Variants in DDX10 observed in about 807,000 individuals in gnomAD.
DDX10 encodes the protein probable ATP-dependent RNA helicase DDX10.
Under a neutral mutation model 104.3 loss-of-function variants are expected in DDX10, and 74 were observed. The observed-to-expected ratio is 0.71, with a 90% CI of 0.59 to 0.86. The LOEUF (loss-of-function observed/expected upper bound fraction) is 0.86, where lower values mean the gene tolerates loss of function less well. DDX10 is among the 40% of genes least tolerant of loss of function. DDX10 has a pLI of 0.00. For synonymous variants in DDX10, 351 were observed against 353.4 expected (o/e 0.99, Z 0.08); for missense variants, 952 against 1,040.0 (o/e 0.92, Z 1.16).
chr11:108,796,648 C>G (rs1861944845), intron 13 of DDX10, among the ~76,000 whole-genome samples: 1 of 152,086 alleles, frequency 6.6e-6, no homozygotes, highest in African/African-American at 2.4e-5. Flanking sequence ...TAATTCTGGT[C>G]TCATTTCCTT....
intron 16 of DDX10, among the ~76,000 whole-genome samples, 187 bp downstream of exon 16, chr11:108,852,396 T>C (rs916051084): frequency 5.3e-5 from 8 of 152,230 alleles, no homozygotes; most frequent in Non-Finnish European, 1.0e-4. Flanking sequence ...CCATGTGGCC[T>C]TCTATTCACT....
At chr11:108,690,752 G>A in intron 7 of DDX10, 1 of 231,458 alleles carries the variant, frequency 4.3e-6, no homozygotes, top group East Asian at 1.3e-4. Context: ...CTCCTTGATG[G>A]GCAGGAGAAG....
At chr11:108,672,329 A>G (rs1349460651) in intron 1 of DDX10, among the ~76,000 whole-genome samples, 1 of 152,130 alleles carries the variant, frequency 6.6e-6, no homozygotes, top group Non-Finnish European at 1.5e-5. Context: ...TTTTTAGCTG[A>G]TAATACCACG....
chr11:108,932,020 A>G (rs1863981947), intron 17 of DDX10, among the ~76,000 whole-genome samples: 1 of 151,914 alleles, frequency 6.6e-6, no homozygotes, highest in Non-Finnish European at 1.5e-5. Flanking sequence ...CTTGTTTTAT[A>G]TGTCAGCAAG....
intron 16 of DDX10, among the ~76,000 whole-genome samples, chr11:108,866,072 T>A (rs796385341): frequency 4.6e-5 from 7 of 152,308 alleles, no homozygotes; most frequent in African/African-American, 1.7e-4. Flanking sequence ...TATTCCCATT[T>A]AACAGAAGAA....
At chr11:108,668,792 A>G (rs1402774580) in intron 1 of DDX10, among the ~76,000 whole-genome samples, 1 of 152,202 alleles carries the variant, frequency 6.6e-6, no homozygotes, top group Non-Finnish European at 1.5e-5. Flanking sequence ...GACACGTTAT[A>G]TTAGTATGCA....
chr11:108,715,513 G>A (rs1487637762), intron 10 of DDX10, among the ~76,000 whole-genome samples: 1 of 152,090 alleles, frequency 6.6e-6, no homozygotes, highest in Admixed American at 6.5e-5. Context: ...GAGGGAGCGG[G>A]GTGAGACCTC....
intron 2 of DDX10, among the ~76,000 whole-genome samples, chr11:108,675,088 TTGTGTG>T (rs142204234): frequency 0.13 from 19,119 of 146,656 alleles, 1,423 homozygotes; most frequent in East Asian, 0.26. Context: ...CATATTCCAT[TTGTGTG>T]TGTGTGTGTG....
chr11:108,824,073 T>G (rs1339986410), intron 13 of DDX10, among the ~76,000 whole-genome samples: 3 of 152,120 alleles, frequency 2.0e-5, no homozygotes, highest in Non-Finnish European at 4.4e-5. Flanking sequence ...AACAGGGTCT[T>G]GCTCTGTGTC....
intron 2 of DDX10, among the ~76,000 whole-genome samples, chr11:108,674,641 G>T (rs2094221575): frequency 6.6e-6 from 1 of 151,960 alleles, no homozygotes; most frequent in South Asian, 2.1e-4. Context: ...CTCCTGAGTA[G>T]TTGGAACTGC....
At chr11:108,851,719 A>C (rs1862795769) in intron 15 of DDX10, among the ~76,000 whole-genome samples, 1 of 152,184 alleles carries the variant, frequency 6.6e-6, no homozygotes, top group Non-Finnish European at 1.5e-5. Flanking sequence ...GTTTGAGATC[A>C]GTCATTTTCT....
chr11:108,852,578 A>C (rs1862809264), intron 16 of DDX10, among the ~76,000 whole-genome samples: 1 of 152,224 alleles, frequency 6.6e-6, no homozygotes, highest in Non-Finnish European at 1.5e-5. Context: ...ATCTTCAGGT[A>C]GACAGCCTGT....
chr11:108,804,441 C>T (rs999828170), intron 13 of DDX10, among the ~76,000 whole-genome samples: 1 of 131,456 alleles, frequency 7.6e-6, no homozygotes, highest in Non-Finnish European at 1.5e-5. Flanking sequence ...GTTGAGGCTG[C>T]ATTGAGCCGA....
At chr11:108,834,623 C>A (rs1449227805) in intron 13 of DDX10, among the ~76,000 whole-genome samples, 1 of 152,036 alleles carries the variant, frequency 6.6e-6, no homozygotes, top group Admixed American at 6.6e-5. Flanking sequence ...ATTTATATTA[C>A]AGTGATCCCT....
At chr11:108,917,745 C>G in intron 16 of DDX10, 128 bp from the exon 17 acceptor site, 1 of 866,602 alleles carries the variant, frequency 1.2e-6, no homozygotes, top group South Asian at 1.8e-5. Flanking sequence ...ACATAAGGGC[C>G]TACACCAGAA....
chr11:108,863,723 C>T (rs1393009944), intron 16 of DDX10, among the ~76,000 whole-genome samples: 1 of 152,226 alleles, frequency 6.6e-6, no homozygotes, highest in East Asian at 1.9e-4. Flanking sequence ...CTCAGTAGAG[C>T]TAGTACATGA....
At chr11:108,802,300 T>G (rs541955628) in intron 13 of DDX10, among the ~76,000 whole-genome samples, 41 of 152,256 alleles carry the variant, frequency 2.7e-4, no homozygotes, top group Admixed American at 9.8e-4. Context: ...ATCATGCAGA[T>G]TTTGGAGACT....
intron 10 of DDX10, among the ~76,000 whole-genome samples, chr11:108,709,876 ACT>A (rs1256056453): frequency 6.6e-6 from 1 of 152,006 alleles, no homozygotes; most frequent in African/African-American, 2.4e-5. Context: ...ATTTTTAGGT[ACT>A]TTCTTTCTAA....
At chr11:108,724,132 A>G (rs1293063892) in intron 13 of DDX10, among the ~76,000 whole-genome samples, 1 of 151,954 alleles carries the variant, frequency 6.6e-6, no homozygotes, top group African/African-American at 2.4e-5. Flanking sequence ...TTTATTCTTG[A>G]TCATCTTTTT....
Sources: allele counts gnomAD v4.1 joint callset (sites outside exome capture counted in the v4.1 genomes callset), GRCh38; gene constraint gnomAD v4.1.1; transcripts MANE v1.5; gene names NCBI Gene and HGNC (gene_info 2026-07-23, HGNC 2026-07-21).